Variants in ZBTB20 observed in about 807,000 individuals in gnomAD.
ZBTB20 encodes zinc finger and BTB domain containing 20.
A neutral mutation model predicts 56.9 loss-of-function variants in ZBTB20; 9 were observed. That is an observed-to-expected ratio of 0.16 (90% CI 0.10 to 0.28). The LOEUF (loss-of-function observed/expected upper bound fraction) is 0.28, where lower values mean the gene tolerates loss of function less well. Ranked by LOEUF, ZBTB20 falls within the 10% of genes least tolerant of loss-of-function variation. The pLI, the probability that ZBTB20 is intolerant of heterozygous loss-of-function variation, is 1.00. For synonymous variants in ZBTB20, 417 were observed against 420.7 expected (o/e 0.99, Z 0.11); for missense variants, 655 against 1,003.0 (o/e 0.65, Z 4.69).
At chr3:115,131,529 T>C (rs1235265207) in intron 1 of ZBTB20, among the ~76,000 whole-genome samples, 1 of 152,182 alleles carries the variant, frequency 6.6e-6, no homozygotes, top group African/African-American at 2.4e-5. Context: ...GATTACTATT[T>C]TCTGCAGTTT....
chr3:114,729,858 C>CG (rs1484162505), intron 5 of ZBTB20, among the ~76,000 whole-genome samples: 5 of 151,546 alleles, frequency 3.3e-5, no homozygotes, highest in African/African-American at 7.3e-5. Flanking sequence ...AGCTGGAGTG[C>CG]GGTGGCATGA....
intron 3 of ZBTB20, among the ~76,000 whole-genome samples, chr3:114,962,462 A>G (rs1394359707): frequency 6.6e-6 from 1 of 152,168 alleles, no homozygotes; most frequent in Non-Finnish European, 1.5e-5. Context: ...TAGATTTTGA[A>G]GGAAATTCTA....
chr3:114,864,927 A>G (rs1456602451), intron 4 of ZBTB20, among the ~76,000 whole-genome samples: 1 of 152,076 alleles, frequency 6.6e-6, no homozygotes, highest in Non-Finnish European at 1.5e-5. Context: ...GCTGCCCTTA[A>G]TATTAATTTT....
chr3:115,074,815 G>C (rs2082536796), intron 1 of ZBTB20, among the ~76,000 whole-genome samples: 1 of 151,940 alleles, frequency 6.6e-6, no homozygotes, highest in South Asian at 2.1e-4. Context: ...AGTGGAGCTG[G>C]GCCTCTGATA....
In ZBTB20 at chr3:114,901,893, ATT is replaced by A. The variant is rs1221973637; in HGVS notation, c.-455-1553_-455-1552del. On this transcript the variant is annotated intron_variant, in intron 3 of 11. Coordinates refer to ENST00000675478, the MANE Select transcript of ZBTB20 (RefSeq NM_001348800.3). ...GATAATAAGACTTTGGATGATTTTA[ATT>A]TTTTCTTTTTACTTTCATATATAGT... Among the ~76,000 whole-genome samples, 8 of 152,222 alleles carry A rather than the reference ATT, an allele frequency of 5.3e-5. 1 individual carries two copies. In the South Asian group the frequency reaches 1.5e-3, roughly 28 times the overall value.
chr3:114,509,517 C>T (rs1178996078), intron 6 of ZBTB20, among the ~76,000 whole-genome samples: 1 of 149,900 alleles, frequency 6.7e-6, no homozygotes, highest in Non-Finnish European at 1.5e-5. Context: ...ATTTGCTTCC[C>T]CACCTCAAGA....
At chr3:114,666,254 A>G (rs2061048645) in intron 6 of ZBTB20, among the ~76,000 whole-genome samples, 1 of 152,052 alleles carries the variant, frequency 6.6e-6, no homozygotes, top group African/African-American at 2.4e-5. Flanking sequence ...CACCAGTGTT[A>G]TAATACACTT....
intron 2 of ZBTB20, among the ~76,000 whole-genome samples, chr3:115,003,417 T>TG (rs2079334798): frequency 1.3e-5 from 2 of 149,298 alleles, no homozygotes; most frequent in South Asian, 4.3e-4. Flanking sequence ...CAGGTTTTTT[T>TG]TTTGTTTGTT....
intron 2 of ZBTB20, among the ~76,000 whole-genome samples, chr3:115,058,193 A>C (rs1576671906): frequency 6.6e-6 from 1 of 152,276 alleles, no homozygotes; most frequent in East Asian, 1.9e-4. Flanking sequence ...ACATAGCCAA[A>C]CATATCAATG....
At chr3:114,356,309 G>C (rs1275255191) in intron 10 of ZBTB20, 1 of 152,158 alleles carries the variant, frequency 6.6e-6, no homozygotes, top group Non-Finnish European at 1.5e-5. Context: ...CTTAGCATGA[G>C]AATAAAAAGC....
At chr3:114,689,867 T>C (rs1424425709) in intron 6 of ZBTB20, among the ~76,000 whole-genome samples, 2 of 152,288 alleles carry the variant, frequency 1.3e-5, no homozygotes, top group East Asian at 3.9e-4. Context: ...GTATAATGGC[T>C]AGTTCCTACT....
rs181984849 is a variant in ZBTB20, at chr3:114,884,075, G to T, written c.-417+16229C>A. ...CAAGTAGCTGGGACTACAGGCGCCC[G>T]CCACTACGCCCGGCTAATTTTTTGT... On this transcript the variant is annotated intron_variant, in intron 4 of 11. Coordinates refer to ENST00000675478, the MANE Select transcript of ZBTB20 (RefSeq NM_001348800.3). 4.0e-3 allele frequency among the ~76,000 whole-genome samples: 591 copies of T among 149,598 alleles called. 6 individuals carry two copies. The highest frequency in any genetic ancestry group is 0.013 in the African/African-American group (518 of 40,698).
At chr3:114,414,947 C>A (rs1024325377) in intron 7 of ZBTB20, among the ~76,000 whole-genome samples, 5 of 151,528 alleles carry the variant, frequency 3.3e-5, no homozygotes, top group Non-Finnish European at 2.9e-5. Context: ...TCTCTGCCGC[C>A]CCCCCGCACC....
Position 114,319,319 on chromosome 3 carries a change from T to C in ZBTB20, c.*19686A>G, listed in dbSNP as rs188337605. The C allele has an allele frequency of 4.8e-4, 73 of 152,292 alleles. No individual in the cohort carries two copies. The East Asian group carries it at 0.013, about 27-fold the overall frequency. 9.4% of individuals were successfully genotyped at this position (152,292 alleles called of 1,614,324 possible). A position where few individuals can be genotyped will look rare whatever the true frequency, so the allele number is the denominator to read the frequency against. On this transcript the variant is annotated 3_prime_UTR_variant, in exon 12 of 12. Coordinates refer to ENST00000675478, the MANE Select transcript of ZBTB20 (RefSeq NM_001348800.3). ...AAAAATTCCAACAATTTTTTTCCTC[T>C]CCTAAACATTAACCTTCAGTCTAGG...
chr3:114,382,414 C>G (rs2084485159), intron 8 of ZBTB20, among the ~76,000 whole-genome samples: 1 of 152,226 alleles, frequency 6.6e-6, no homozygotes. Context: ...ATTGGCCATA[C>G]TGTACCCTCA....
chr3:114,691,910 A>G (rs2062720289), intron 6 of ZBTB20, among the ~76,000 whole-genome samples: 1 of 152,172 alleles, frequency 6.6e-6, no homozygotes, highest in African/African-American at 2.4e-5. Flanking sequence ...ACTGGAAAAG[A>G]TATGTTCTCC....
rs367798923 is a variant in ZBTB20 at position 114,414,952 on chromosome 3, C to G, written c.-254-25847G>C. ...TGCTCCCCTTTCTCTGCCGCCCCCCCGCACCCACCCAGGATTTTAACCACA... is the reference window on the plus strand; with the variant it reads ...TGCTCCCCTTTCTCTGCCGCCCCCCGGCACCCACCCAGGATTTTAACCACA... On this transcript the variant is annotated intron_variant, in intron 7 of 11. Coordinates refer to ENST00000675478, the MANE Select transcript of ZBTB20 (RefSeq NM_001348800.3). 2.0e-5 allele frequency among the ~76,000 whole-genome samples: 3 copies of G among 151,716 alleles called. No homozygotes were observed. The East Asian group carries it at 5.8e-4, about 29-fold the overall frequency.
intron 2 of ZBTB20, among the ~76,000 whole-genome samples, chr3:115,047,181 G>C (rs556826049): frequency 6.6e-6 from 1 of 152,278 alleles, no homozygotes; most frequent in Admixed American, 6.5e-5. Flanking sequence ...TTGCTATGAG[G>C]AGTACAATTC....
intron 2 of ZBTB20, among the ~76,000 whole-genome samples, chr3:115,055,084 C>T (rs1355394432): frequency 1.3e-5 from 2 of 151,960 alleles, no homozygotes; most frequent in Non-Finnish European, 2.9e-5. Flanking sequence ...GTCCCAGTTT[C>T]TTGGACTTCT....
Sources: gnomAD v4.1 joint callset for allele counts (sites outside exome capture counted in the v4.1 genomes callset) on GRCh38, gnomAD v4.1.1 for gene constraint, MANE v1.5 for transcripts, NCBI Gene and HGNC (gene_info 2026-07-23, HGNC 2026-07-21) for gene names.